GPHN: variants seen among roughly 807,000 people sequenced by gnomAD.
GPHN encodes gephyrin.
In GPHN, 17 loss-of-function variants were observed where a neutral mutation model predicts 95.5. The observed-to-expected ratio is 0.18, with a 90% CI of 0.12 to 0.27. GPHN has a LOEUF of 0.27. GPHN is among the 10% of genes least tolerant of loss of function. The pLI, the probability that GPHN is intolerant of heterozygous loss-of-function variation, is 1.00. For missense variants in GPHN, 660 were observed against 978.1 expected (o/e 0.67, Z 4.34); for synonymous variants, 320 against 322.5 (o/e 0.99, Z 0.08).
chr14:66,581,286 G>A (rs944964392), intron 1 of GPHN, among the ~76,000 whole-genome samples: 1 of 151,284 alleles, frequency 6.6e-6, no homozygotes, highest in African/African-American at 2.4e-5. Flanking sequence ...ATTGGGTGAT[G>A]GAATAACAGT....
the GPHN span, chr14:67,555,760 C>T: frequency 6.3e-7 from 1 of 1,590,550 alleles, no homozygotes; most frequent in African/African-American, 1.3e-5. Context: ...TCTAAAGTGG[C>T]CTTGATGCCG....
At chr14:67,235,033 G>A in the GPHN span, among the ~76,000 whole-genome samples, 234 of 152,010 alleles carry the variant, frequency 1.5e-3, 1 homozygote, top group African/African-American at 5.4e-3. Flanking sequence ...GCACACACCT[G>A]TAATCCCAGC....
intron 18 of GPHN, among the ~76,000 whole-genome samples, chr14:67,143,944 A>C (rs910689331): frequency 2.6e-5 from 4 of 151,630 alleles, no homozygotes; most frequent in African/African-American, 7.3e-5. Flanking sequence ...TAATAATAAT[A>C]ATGAAAATAT....
the GPHN span, among the ~76,000 whole-genome samples, chr14:67,624,294 T>C: frequency 6.6e-6 from 1 of 152,332 alleles, no homozygotes; most frequent in East Asian, 1.9e-4. Context: ...TTTAAAATAC[T>C]GTATAGTGAC....
chr14:67,722,257 T>C, the GPHN span, among the ~76,000 whole-genome samples: 1 of 152,202 alleles, frequency 6.6e-6, no homozygotes, highest in African/African-American at 2.4e-5. Context: ...ATTCTATATA[T>C]TCCATCTTGC....
At position 66,952,764 on chromosome 14, in the gene GPHN, G is replaced by A. The variant is rs536898467; in HGVS notation, c.829-12427G>A. On this transcript the variant is annotated intron_variant, in intron 8 of 22. Transcript: ENST00000478722. ...GGCTGGTGTGCAGTGGCCCAATCTCGGCTCACTGCAACCTCAGCCTCCCGG... is the reference window on the plus strand; with the variant it reads ...GGCTGGTGTGCAGTGGCCCAATCTCAGCTCACTGCAACCTCAGCCTCCCGG... 2.8e-4 allele frequency among the ~76,000 whole-genome samples: 43 copies of A among 151,992 alleles called. No homozygotes were observed. In the East Asian group the frequency reaches 7.2e-3, roughly 25 times the overall value.
chr14:66,775,010 C>T (rs1028966559), intron 2 of GPHN, among the ~76,000 whole-genome samples: 10 of 152,036 alleles, frequency 6.6e-5, no homozygotes, highest in Middle Eastern at 3.4e-3. Context: ...AAAACCTATA[C>T]GTTCTTTTTT....
At chr14:67,146,876 A>G (rs543603268) in intron 18 of GPHN, among the ~76,000 whole-genome samples, 17 of 152,330 alleles carry the variant, frequency 1.1e-4, no homozygotes, top group Middle Eastern at 3.4e-3. Flanking sequence ...TCTACTAAAA[A>G]TAAAAAATTA....
At chr14:67,093,971 T>TTC (rs2077242151) in intron 12 of GPHN, among the ~76,000 whole-genome samples, 2 of 152,266 alleles carry the variant, frequency 1.3e-5, no homozygotes, top group African/African-American at 4.8e-5. Context: ...TTACTATTCC[T>TTC]TCTGCCTTAT....
At chr14:66,715,368 CCTTTT>C (rs2070073786) in intron 2 of GPHN, among the ~76,000 whole-genome samples, 1 of 151,900 alleles carries the variant, frequency 6.6e-6, no homozygotes, top group Admixed American at 6.6e-5. Flanking sequence ...TTTTTTGTCT[CCTTTT>C]CTTGGTTAAT....
chr14:67,128,627 A>C (rs11848862), intron 17 of GPHN, among the ~76,000 whole-genome samples: 28,135 of 151,938 alleles, frequency 0.19, 3,023 homozygotes, highest in Non-Finnish European at 0.25. Context: ...TATGGGGTAG[A>C]AGTTAGAGAA....
At chr14:66,630,723 C>T (rs35687878) in intron 1 of GPHN, among the ~76,000 whole-genome samples, 2,666 of 152,214 alleles carry the variant, frequency 0.018, 34 homozygotes, top group Non-Finnish European at 0.026. Context: ...CCGCCTGCCT[C>T]GGCCTCCCAA....
intron 2 of GPHN, among the ~76,000 whole-genome samples, chr14:66,719,762 A>C (rs1381576341): frequency 6.6e-6 from 1 of 152,208 alleles, no homozygotes; most frequent in Non-Finnish European, 1.5e-5. Flanking sequence ...TGAGACCCAG[A>C]AATAGATGTT....
intron 17 of GPHN, among the ~76,000 whole-genome samples, chr14:67,142,164 G>A (rs539454847): frequency 6.1e-4 from 93 of 152,054 alleles, no homozygotes; most frequent in Non-Finnish European, 9.7e-4. Context: ...AGAGTCAGGC[G>A]GTATAAATAG....
intron 6 of GPHN, among the ~76,000 whole-genome samples, chr14:66,920,249 A>G (rs1261750536): frequency 6.6e-6 from 1 of 152,214 alleles, no homozygotes; most frequent in Non-Finnish European, 1.5e-5. Flanking sequence ...TTGTAGAAAT[A>G]ACGCAAGAAT....
chr14:67,049,770 C>A (rs1044718996), intron 10 of GPHN, among the ~76,000 whole-genome samples: 5 of 152,168 alleles, frequency 3.3e-5, no homozygotes, highest in African/African-American at 1.2e-4. Context: ...CTCAGCCTCC[C>A]AAAGTGCTGG....
intron 5 of GPHN, among the ~76,000 whole-genome samples, chr14:66,903,727 TA>T (rs1181033235): frequency 6.6e-6 from 1 of 152,218 alleles, no homozygotes; most frequent in Non-Finnish European, 1.5e-5. Flanking sequence ...CTCCCTTTTT[TA>T]CTTTCTTCAT....
At chr14:67,001,350 T>C (rs2072213274) in intron 9 of GPHN, among the ~76,000 whole-genome samples, 1 of 151,090 alleles carries the variant, frequency 6.6e-6, no homozygotes, top group African/African-American at 2.4e-5. Flanking sequence ...AAATAAATGA[T>C]GGCACATTAT....
chr14:67,409,240 C>A, the GPHN span, among the ~76,000 whole-genome samples: 1 of 151,520 alleles, frequency 6.6e-6, no homozygotes, highest in South Asian at 2.1e-4. Context: ...GAGACCCTCT[C>A]TAAACAAAAT....
Sources: gnomAD v4.1 joint callset for allele counts (sites outside exome capture counted in the v4.1 genomes callset) on GRCh38, gnomAD v4.1.1 for gene constraint, MANE v1.5 for transcripts, NCBI Gene and HGNC (gene_info 2026-07-23, HGNC 2026-07-21) for gene names.